The following TENM3 variants were observed in gnomAD, a reference collection of about 807,000 sequenced individuals.
The protein encoded by TENM3 is teneurin transmembrane protein 3.
A neutral mutation model predicts 255.1 loss-of-function variants in TENM3; 63 were observed. The ratio of observed to expected loss-of-function variants is 0.25; its 90% CI spans 0.20 to 0.30. The LOEUF (loss-of-function observed/expected upper bound fraction) is 0.30. TENM3 is among the 10% of genes least tolerant of loss of function. The pLI is 1.00. For synonymous variants in TENM3, 1,306 were observed against 1,322.3 expected (o/e 0.99, Z 0.27); for missense variants, 2,929 against 3,461.1 (o/e 0.85, Z 3.86).
At chr4:182,092,991 C>A in the TENM3 span, among the ~76,000 whole-genome samples, 1 of 152,292 alleles carries the variant, frequency 6.6e-6, no homozygotes, top group South Asian at 2.1e-4. Flanking sequence ...GGACCCCTAC[C>A]AGTGTCCCAA....
chr4:182,748,583 C>CT (rs1762166856), intron 19 of TENM3, among the ~76,000 whole-genome samples: 1 of 152,176 alleles, frequency 6.6e-6, no homozygotes, highest in South Asian at 2.1e-4. Context: ...TGATTCAGAG[C>CT]TTCACTGCCA....
At chr4:182,542,227 G>A (rs796831729) in intron 3 of TENM3, among the ~76,000 whole-genome samples, 1 of 152,184 alleles carries the variant, frequency 6.6e-6, no homozygotes, top group Non-Finnish European at 1.5e-5. Context: ...CATCATGCCA[G>A]CATCTTCAGT....
At chr4:182,478,304 G>A (rs1378853966) in intron 3 of TENM3, among the ~76,000 whole-genome samples, 1 of 151,876 alleles carries the variant, frequency 6.6e-6, no homozygotes, top group Non-Finnish European at 1.5e-5. Context: ...AAAATTTATT[G>A]ACTATTTTAT....
chr4:181,714,270 T>A, the TENM3 span, among the ~76,000 whole-genome samples: 1 of 151,892 alleles, frequency 6.6e-6, no homozygotes, highest in East Asian at 1.9e-4. Flanking sequence ...ACCTCATATG[T>A]ACAAAGAAGT....
the TENM3 span, among the ~76,000 whole-genome samples, chr4:181,978,225 C>T: frequency 6.6e-6 from 1 of 152,192 alleles, no homozygotes. Context: ...GAATTGTTCT[C>T]TACATGGTGG....
the TENM3 span, among the ~76,000 whole-genome samples, chr4:181,683,212 A>G: frequency 6.6e-6 from 1 of 152,116 alleles, no homozygotes; most frequent in African/African-American, 2.4e-5. Flanking sequence ...ACTATTATCA[A>G]TTATTGTGTA....
chr4:182,427,459 C>T (rs1771309539), intron 3 of TENM3, among the ~76,000 whole-genome samples: 1 of 152,150 alleles, frequency 6.6e-6, no homozygotes, highest in Non-Finnish European at 1.5e-5. Flanking sequence ...TTTTCTGCAA[C>T]AGAATTGTTG....
chr4:182,615,737 A>G lies in TENM3; in HGVS notation c.750-12914A>G, dbSNP rs555393093. 2.6e-5 allele frequency among the ~76,000 whole-genome samples: 4 copies of G among 152,268 alleles called. No homozygotes were observed. In the East Asian group the frequency reaches 7.7e-4, roughly 29 times the overall value. On this transcript the variant is annotated intron_variant, in intron 4 of 27. Coordinates refer to ENST00000511685, the MANE Select transcript of TENM3 (RefSeq NM_001080477.4). The stretch of plus-strand genomic sequence containing the variant: ...AGGGGGATGTTGAAAAGTGAAAAAA[A>G]AAAAAGAGTGAGATGACATAAAGCA...
the TENM3 span, among the ~76,000 whole-genome samples, chr4:181,882,406 A>G: frequency 1.3e-5 from 2 of 152,150 alleles, no homozygotes; most frequent in Non-Finnish European, 2.9e-5. Flanking sequence ...CAATGTTGGA[A>G]CTTCCATTTC....
At chr4:181,592,770 G>C in the TENM3 span, among the ~76,000 whole-genome samples, 230 of 151,618 alleles carry the variant, frequency 1.5e-3, 2 homozygotes, top group Non-Finnish European at 2.6e-3. Flanking sequence ...GGTGTCAAGA[G>C]TAACTCAGCC....
At chr4:182,039,384 GC>G in the TENM3 span, among the ~76,000 whole-genome samples, 1 of 152,098 alleles carries the variant, frequency 6.6e-6, no homozygotes, top group Admixed American at 6.6e-5. Context: ...TTTGTAGAAA[GC>G]CCCTTCATTG....
intron 2 of TENM3, among the ~76,000 whole-genome samples, chr4:182,335,159 C>A (rs909273178): frequency 6.6e-6 from 1 of 151,864 alleles, no homozygotes; most frequent in Non-Finnish European, 1.5e-5. Flanking sequence ...TTCTCGCTAC[C>A]CCTCTCTTTT....
chr4:182,468,572 G>A (rs1732809637), intron 3 of TENM3, among the ~76,000 whole-genome samples: 1 of 152,136 alleles, frequency 6.6e-6, no homozygotes, highest in Non-Finnish European at 1.5e-5. Flanking sequence ...TCAGGTGTCT[G>A]TTAGTATTGA....
chr4:181,528,119 A>G, the TENM3 span, among the ~76,000 whole-genome samples: 1 of 152,062 alleles, frequency 6.6e-6, no homozygotes, highest in African/African-American at 2.4e-5. Flanking sequence ...ATTTTGTCAA[A>G]TGAAAACATT....
chr4:182,716,660 A>G (rs1759201722), intron 13 of TENM3, among the ~76,000 whole-genome samples: 1 of 152,218 alleles, frequency 6.6e-6, no homozygotes, highest in African/African-American at 2.4e-5. Flanking sequence ...GGTATTTTCC[A>G]CACCAAACCC....
chr4:181,983,767 A>G, the TENM3 span, among the ~76,000 whole-genome samples: 1 of 152,066 alleles, frequency 6.6e-6, no homozygotes, highest in Admixed American at 6.6e-5. Context: ...TTTATTCTTT[A>G]CATCTACTTG....
the TENM3 span, among the ~76,000 whole-genome samples, chr4:181,619,116 T>C: frequency 6.6e-6 from 1 of 152,004 alleles, no homozygotes; most frequent in Admixed American, 6.6e-5. Flanking sequence ...TACCCAAGCC[T>C]CTCCCAAGGG....
chr4:181,819,702 T>C, the TENM3 span, among the ~76,000 whole-genome samples: 12 of 152,248 alleles, frequency 7.9e-5, no homozygotes, highest in Admixed American at 2.0e-4. Flanking sequence ...CTTAGATCCC[T>C]CCCATGTGGA....
chr4:182,500,880 TAAG>T (rs1736246034), intron 3 of TENM3, among the ~76,000 whole-genome samples: 1 of 152,152 alleles, frequency 6.6e-6, no homozygotes, highest in African/African-American at 2.4e-5. Flanking sequence ...TAGGGTATAT[TAAG>T]AAGAAAAATT....
Sources: allele counts gnomAD v4.1 joint callset (sites outside exome capture counted in the v4.1 genomes callset), GRCh38; gene constraint gnomAD v4.1.1; transcripts MANE v1.5; gene names NCBI Gene and HGNC (gene_info 2026-07-23, HGNC 2026-07-21).